SHISA9: variants seen among roughly 807,000 people sequenced by gnomAD.
The protein encoded by SHISA9 is shisa family member 9.
In SHISA9, 13 loss-of-function variants were observed where a neutral mutation model predicts 38.0. That is an observed-to-expected ratio of 0.34 (90% CI 0.22 to 0.54). The LOEUF (loss-of-function observed/expected upper bound fraction) is 0.54, where lower values mean the gene tolerates loss of function less well. Among genes scored for constraint, SHISA9 ranks in the 20% least tolerant of loss-of-function variants. The pLI is 0.91. For synonymous variants in SHISA9, 275 were observed against 242.0 expected (o/e 1.14, Z -1.27); for missense variants, 538 against 575.8 (o/e 0.93, Z 0.67).
intron 1 of SHISA9, among the ~76,000 whole-genome samples, chr16:12,915,197 G>A (rs187868161): frequency 1.6e-4 from 24 of 152,278 alleles, no homozygotes; most frequent in Non-Finnish European, 2.5e-4. Flanking sequence ...GCGGTGGCTC[G>A]TGCTTGTAAT....
At chr16:12,921,828 T>C (rs1222586643) in intron 2 of SHISA9, among the ~76,000 whole-genome samples, 17 of 152,182 alleles carry the variant, frequency 1.1e-4, no homozygotes, top group Admixed American at 1.1e-3. Flanking sequence ...ATGATAAGTA[T>C]AGATCGAGGC....
At chr16:13,252,808 G>A in the SHISA9 span, among the ~76,000 whole-genome samples, 1 of 152,152 alleles carries the variant, frequency 6.6e-6, no homozygotes, top group Non-Finnish European at 1.5e-5. Context: ...ACGGTACCTG[G>A]AACATAGGCA....
the SHISA9 span, among the ~76,000 whole-genome samples, chr16:13,371,670 C>T: frequency 6.6e-6 from 1 of 152,168 alleles, no homozygotes; most frequent in Non-Finnish European, 1.5e-5. Context: ...AAGAACCTTC[C>T]CCTCACCTGA....
chr16:13,026,246 C>CA (rs918512014), intron 2 of SHISA9, among the ~76,000 whole-genome samples: 2 of 586 alleles, frequency 3.4e-3, no homozygotes, highest in South Asian at 0.33. Context: ...CCTCCCTATC[C>CA]CCCGGCAACT....
chr16:13,107,426 C>T (rs1306838122), intron 2 of SHISA9, among the ~76,000 whole-genome samples: 2 of 151,014 alleles, frequency 1.3e-5, no homozygotes, highest in Admixed American at 6.6e-5. Flanking sequence ...CAGAGAGACT[C>T]GGTCTGAAAA....
chr16:13,325,437 A>C, the SHISA9 span, among the ~76,000 whole-genome samples: 1 of 152,182 alleles, frequency 6.6e-6, no homozygotes, highest in Non-Finnish European at 1.5e-5. Context: ...TCATGGCCTG[A>C]ACTAGTTTTT....
chr16:12,972,670 A>AT (rs11449587), intron 2 of SHISA9, among the ~76,000 whole-genome samples: 57,359 of 152,050 alleles, frequency 0.38, 11,350 homozygotes, highest in Middle Eastern at 0.52. Context: ...TGAATTCTTA[A>AT]TTTTATTTAA....
the SHISA9 span, among the ~76,000 whole-genome samples, chr16:13,302,126 G>A: frequency 9.9e-5 from 15 of 152,140 alleles, no homozygotes; most frequent in African/African-American, 3.4e-4. Context: ...ATAGGACATA[G>A]ATCCTTGTTT....
At chr16:13,228,821 T>A (rs1404783901) in intron 4 of SHISA9, among the ~76,000 whole-genome samples, 1 of 152,176 alleles carries the variant, frequency 6.6e-6, no homozygotes, top group Non-Finnish European at 1.5e-5. Flanking sequence ...CTAGTACTTA[T>A]TATTTTTCCT....
chr16:12,944,617 A>G (rs1596542723), intron 2 of SHISA9, among the ~76,000 whole-genome samples: 1 of 152,178 alleles, frequency 6.6e-6, no homozygotes, highest in East Asian at 1.9e-4. Context: ...GACTTTGGGA[A>G]GGTAGCGTTC....
the SHISA9 span, among the ~76,000 whole-genome samples, chr16:13,336,143 A>T: frequency 1.1e-4 from 17 of 152,232 alleles, no homozygotes; most frequent in African/African-American, 4.1e-4. Context: ...TCACGTGGTC[A>T]CTCTGCTCAG....
the SHISA9 span, among the ~76,000 whole-genome samples, chr16:13,277,430 TG>T: frequency 3.3e-5 from 5 of 150,320 alleles, no homozygotes; most frequent in East Asian, 1.9e-4. Context: ...ATTTTAGAAT[TG>T]TTTTTTTTTC....
At chr16:13,125,171 G>GGTCTCTTCACT (rs1243566683) in intron 2 of SHISA9, among the ~76,000 whole-genome samples, 1 of 152,152 alleles carries the variant, frequency 6.6e-6, no homozygotes, top group Admixed American at 6.6e-5. Flanking sequence ...TCAACAAAGT[G>GGTCTCTTCACT]AAGAGACCAC....
At chr16:13,279,880 T>C in the SHISA9 span, among the ~76,000 whole-genome samples, 1 of 151,962 alleles carries the variant, frequency 6.6e-6, no homozygotes, top group Non-Finnish European at 1.5e-5. Context: ...GCTCTTTGTA[T>C]TAATTCAATT....
chr16:13,203,302 A>C, intron 2 of SHISA9, 92 bp from the exon 3 acceptor site: 22 of 1,239,610 alleles, frequency 1.8e-5, no homozygotes, highest in Non-Finnish European at 2.3e-5. Context: ...AAGGGTGGGG[A>C]GAGTTTTGGT....
At chr16:13,026,670 C>T (rs545235032) in intron 2 of SHISA9, among the ~76,000 whole-genome samples, 1 of 152,280 alleles carries the variant, frequency 6.6e-6, no homozygotes, top group East Asian at 1.9e-4. Flanking sequence ...AGCAGCTGCA[C>T]CCTTTTATAT....
chr16:13,339,729 C>T, the SHISA9 span, among the ~76,000 whole-genome samples: 3 of 152,226 alleles, frequency 2.0e-5, no homozygotes, highest in South Asian at 2.1e-4. Context: ...TGCTGAGGTT[C>T]GAGTTAAAGG....
At chr16:12,937,880 T>A (rs893282806) in intron 2 of SHISA9, among the ~76,000 whole-genome samples, 9 of 152,178 alleles carry the variant, frequency 5.9e-5, no homozygotes, top group Non-Finnish European at 1.3e-4. Context: ...TTGCTTTTGG[T>A]CTATTTAGAC....
chr16:13,225,233 A>G (rs2051267415), intron 4 of SHISA9, among the ~76,000 whole-genome samples: 1 of 152,164 alleles, frequency 6.6e-6, no homozygotes, highest in Admixed American at 6.5e-5. Context: ...GCAAGAATGG[A>G]TCCTCTAGCA....
Sources: allele counts gnomAD v4.1 joint callset (sites outside exome capture counted in the v4.1 genomes callset), GRCh38; gene constraint gnomAD v4.1.1; transcripts MANE v1.5; gene names NCBI Gene and HGNC (gene_info 2026-07-23, HGNC 2026-07-21).